Variants in ACSL3 observed in about 807,000 individuals in gnomAD.
ACSL3 encodes the protein fatty acid CoA ligase Acsl3.
ACSL3 carries 34 observed loss-of-function variants against 84.7 expected under a neutral mutation model. That is an observed-to-expected ratio of 0.40 (90% confidence interval 0.31 to 0.53). The LOEUF is 0.53. Ranked by LOEUF, ACSL3 falls within the 20% of genes least tolerant of loss-of-function variation. The pLI is 0.48. For synonymous variants in ACSL3, 315 were observed against 299.4 expected (o/e 1.05, Z -0.54); for missense variants, 680 against 873.1 (o/e 0.78, Z 2.79).
intron 2 of ACSL3, among the ~76,000 whole-genome samples, chr2:222,899,502 AAG>A (rs1475982525): frequency 6.6e-6 from 1 of 152,092 alleles, no homozygotes; most frequent in African/African-American, 2.4e-5. Flanking sequence ...AATAAATAAA[AAG>A]AGAAAGATAA....
intron 1 of ACSL3, among the ~76,000 whole-genome samples, chr2:222,866,930 G>A (rs1695165170): frequency 6.6e-6 from 1 of 151,380 alleles, no homozygotes; most frequent in Non-Finnish European, 1.5e-5. Flanking sequence ...CGCCTCCCGG[G>A]TTCAAGCAAT....
At chr2:222,891,934 AG>A (rs1472546261) in intron 2 of ACSL3, among the ~76,000 whole-genome samples, 1 of 152,228 alleles carries the variant, frequency 6.6e-6, no homozygotes, top group Non-Finnish European at 1.5e-5. Flanking sequence ...TAATCCAGAT[AG>A]TAATATGACT....
intron 3 of ACSL3, among the ~76,000 whole-genome samples, chr2:222,906,063 TG>T (rs1411258425): frequency 6.6e-6 from 1 of 152,218 alleles, no homozygotes; most frequent in Non-Finnish European, 1.5e-5. Context: ...TGTTGTAAAC[TG>T]GGCATTTTAG....
At chr2:222,940,507 G>T in intron 16 of ACSL3, among the ~76,000 whole-genome samples, 1 of 149,660 alleles carries the variant, frequency 6.7e-6, no homozygotes, top group African/African-American at 2.5e-5. Flanking sequence ...CTAACAATAG[G>T]CATTTATGCA....
At chr2:222,930,546 GT>G (rs1298155485) in intron 13 of ACSL3, 74 bp from the exon 14 acceptor site, 5 of 1,233,506 alleles carry the variant, frequency 4.1e-6, no homozygotes, top group Non-Finnish European at 5.5e-6. Flanking sequence ...TAAGATGACT[GT>G]TTAGAAACTA....
intron 15 of ACSL3, 48 bp downstream of exon 15, chr2:222,933,328 C>A: frequency 7.3e-7 from 1 of 1,374,258 alleles, no homozygotes; most frequent in Non-Finnish European, 1.0e-6. Flanking sequence ...ATTTGATGTC[C>A]ATAGACATTT....
chr2:222,905,156 A>C (rs1466555318), intron 3 of ACSL3: 1 of 152,444 alleles, frequency 6.6e-6, no homozygotes, highest in Non-Finnish European at 1.5e-5. Flanking sequence ...GCATCTGGCT[A>C]ATTTTTTTAT....
chr2:222,908,410 C>T (rs1696353042), intron 3 of ACSL3, among the ~76,000 whole-genome samples: 1 of 152,180 alleles, frequency 6.6e-6, no homozygotes, highest in African/African-American at 2.4e-5. Context: ...TGCTAAAGCA[C>T]AGGAAATGGG....
intron 1 of ACSL3, among the ~76,000 whole-genome samples, chr2:222,878,755 C>G (rs1191040627): frequency 7.2e-6 from 1 of 138,866 alleles, no homozygotes; most frequent in Non-Finnish European, 1.6e-5. Flanking sequence ...TGTGTCTGTT[C>G]TTCTTGTATT....
chr2:222,922,762 T>C lies in ACSL3; in HGVS notation c.1011T>C (p.Ser337=). The C allele has an allele frequency of 1.2e-6, 2 of 1,614,192 alleles. No individual in the cohort carries two copies. Among genetic ancestry groups the C allele is most frequent in the South Asian group, 2.2e-5 (2 of 91,086 alleles). Residue 337 remains serine, a synonymous_variant, in exon 9 of 17, where the codon AGT becomes AGC. Coordinates refer to ENST00000357430, the MANE Select transcript of ACSL3 (RefSeq NM_004457.5). ...CTCTGGCCCATGTTCTAGAATTAAGTGCTGAGCTTGTCTGTCTTTCTCACG... is the reference window on the plus strand; with the variant it reads ...CTCTGGCCCATGTTCTAGAATTAAGCGCTGAGCTTGTCTGTCTTTCTCACG... ...YLPLAHVLEL[S]AELVCLSHGC...
chr2:222,924,327 CACATCCA>C (rs1425843503), intron 10 of ACSL3, 122 bp from the exon 11 acceptor site: 5 of 775,374 alleles, frequency 6.4e-6, no homozygotes, highest in Non-Finnish European at 9.3e-6. Context: ...CTTGCTGAAT[CACATCCA>C]CAGTTGAAGA....
At chr2:222,915,306 TAA>T (rs904487472) in intron 4 of ACSL3, among the ~76,000 whole-genome samples, 3 of 152,194 alleles carry the variant, frequency 2.0e-5, no homozygotes, top group African/African-American at 7.2e-5. Context: ...TCCATCAAAA[TAA>T]AAATTTATTT....
chr2:222,866,374 T>G (rs1695140472), intron 1 of ACSL3, among the ~76,000 whole-genome samples: 1 of 152,220 alleles, frequency 6.6e-6, no homozygotes, highest in Non-Finnish European at 1.5e-5. Flanking sequence ...CTTGATCTTC[T>G]GACCTTGTGA....
At chr2:222,887,005 TGAC>T (rs1223128035) in intron 1 of ACSL3, among the ~76,000 whole-genome samples, 1 of 152,252 alleles carries the variant, frequency 6.6e-6, no homozygotes, top group Non-Finnish European at 1.5e-5. Context: ...AAATATATGA[TGAC>T]ATGTATCTAC....
At chr2:222,882,915 A>AT (rs1183209758) in intron 1 of ACSL3, among the ~76,000 whole-genome samples, 1 of 151,544 alleles carries the variant, frequency 6.6e-6, no homozygotes, top group Non-Finnish European at 1.5e-5. Flanking sequence ...TTACAGGCAG[A>AT]TGCCACCATG....
chr2:222,903,624 G>T (rs1696213130), intron 3 of ACSL3, among the ~76,000 whole-genome samples: 1 of 152,128 alleles, frequency 6.6e-6, no homozygotes, highest in Non-Finnish European at 1.5e-5. Flanking sequence ...TGAGTCATTT[G>T]TCCAGAATTT....
chr2:222,911,509 A>G (rs2106120055), intron 4 of ACSL3, among the ~76,000 whole-genome samples: 1 of 152,314 alleles, frequency 6.6e-6, no homozygotes, highest in Admixed American at 6.5e-5. Flanking sequence ...ATTTGAATTC[A>G]AAGGTTGGAT....
intron 1 of ACSL3, among the ~76,000 whole-genome samples, chr2:222,861,943 C>G (rs1232280055): frequency 7.9e-5 from 12 of 152,098 alleles, no homozygotes; most frequent in Non-Finnish European, 4.4e-5. Flanking sequence ...TTATCAGGCT[C>G]GTTTCACAGA....
intron 11 of ACSL3, among the ~76,000 whole-genome samples, chr2:222,926,266 A>G (rs1258174811): frequency 6.6e-6 from 1 of 152,242 alleles, no homozygotes; most frequent in African/African-American, 2.4e-5. Flanking sequence ...GCCGTTTTAT[A>G]TAAGGGACTT....
Sources: gnomAD v4.1 joint callset for allele counts (sites outside exome capture counted in the v4.1 genomes callset) on GRCh38, gnomAD v4.1.1 for gene constraint, MANE v1.5 for transcripts, NCBI Gene and HGNC (gene_info 2026-07-23, HGNC 2026-07-21) for gene names.